Variants in NEK2 observed in about 807,000 individuals in gnomAD.
The protein encoded by NEK2 is serine/threonine-protein kinase Nek2.
Under a neutral mutation model 54.1 loss-of-function variants are expected in NEK2, and 28 were observed. The ratio of observed to expected loss-of-function variants is 0.52; its 90% CI spans 0.38 to 0.71. The LOEUF (loss-of-function observed/expected upper bound fraction) is 0.71, where lower values mean the gene tolerates loss of function less well. NEK2 is among the 30% of genes least tolerant of loss of function. NEK2 has a pLI of 0.00. For missense variants in NEK2, 407 were observed against 531.5 expected (o/e 0.77, Z 2.30); for synonymous variants, 176 against 193.1 (o/e 0.91, Z 0.73).
downstream of NEK2, chr1:211,660,937 G>A (rs531125263): frequency 2.6e-5 from 19 of 744,030 alleles, 1 homozygote; most frequent in South Asian, 1.4e-4. Context: ...GGATGAATCC[G>A]TGATGTCATC....
intron 7 of NEK2, among the ~76,000 whole-genome samples, chr1:211,664,246 T>C (rs1655106612): frequency 6.6e-6 from 1 of 152,078 alleles, no homozygotes; most frequent in African/African-American, 2.4e-5. Context: ...ATGGAAAAAA[T>C]AAATAATAAT....
downstream of NEK2, chr1:211,660,345 T>C (rs1203044574): frequency 3.7e-6 from 2 of 539,572 alleles, no homozygotes; most frequent in Non-Finnish European, 7.2e-6. Context: ...GCTCCTCATA[T>C]AGTGCCTTCT....
At chr1:211,671,589 T>C (rs1334406788) in intron 3 of NEK2, among the ~76,000 whole-genome samples, 3 of 152,198 alleles carry the variant, frequency 2.0e-5, no homozygotes, top group African/African-American at 7.2e-5. Context: ...AACACCATTT[T>C]AAAAGAACTA....
At position 211,674,316 on chromosome 1, in the gene NEK2, A is replaced by G; in HGVS notation, c.294T>C (p.Ile98=). 1 of 1,611,500 alleles carries G rather than the reference A, an allele frequency of 6.2e-7. No individual in the cohort carries two copies. Residue 98 remains isoleucine (I), a synonymous_variant, in exon 2 of 8, where the codon ATT becomes ATC. Transcript: ENST00000366999. The part of the protein sequence containing the change: ...YCEGGDLASV[I]TKGTKERQYL... ...CTTACCTTTCCTTGGTTCCCTTTGT[A>G]ATTACACTAGCCAGATCCCCTCCTT...
At chr1:211,660,320 C>T (rs1259942793), downstream of NEK2, 24 of 480,930 alleles carry the variant, frequency 5.0e-5, 1 homozygote, top group Admixed American at 1.9e-4. Context: ...TGCAAGAACA[C>T]GGCCAGCAGA....
At chr1:211,667,975 G>C (rs1182444016) in intron 6 of NEK2, among the ~76,000 whole-genome samples, 2 of 152,044 alleles carry the variant, frequency 1.3e-5, no homozygotes, top group Admixed American at 6.6e-5. Flanking sequence ...GAACCCGGGA[G>C]GTAGAGGTTG....
At chr1:211,662,424 A>G (rs1655038925), downstream of NEK2, among the ~76,000 whole-genome samples, 1 of 152,172 alleles carries the variant, frequency 6.6e-6, no homozygotes, top group Non-Finnish European at 1.5e-5. This position sits in a 1 kb window ranked among gnomAD's most constrained non-coding sequence, Gnocchi z 4.2. Flanking sequence ...ATCCAAACCC[A>G]TGGACATTTT....
chr1:211,663,226 A>T lies in NEK2; in HGVS notation c.*200T>A, dbSNP rs188125241. 4 of 1,348,412 alleles carry T rather than the reference A, an allele frequency of 3.0e-6. No individual in the cohort carries two copies. In the African/African-American group the frequency reaches 5.8e-5, roughly 20 times the overall value. The allele number at this position is 1,348,412 out of a possible 1,614,324, so 83.5% of individuals were successfully genotyped here. ...TATTCTTTTTATAATATGTTCTTAA[A>T]AGAAGAAAGAAAAATTAAATGTGAA... On this transcript the variant is annotated 3_prime_UTR_variant, in exon 8 of 8. Coordinates refer to ENST00000366999, the MANE Select transcript of NEK2 (RefSeq NM_002497.4).
At position 211,674,523 on chromosome 1, in the gene NEK2, G is replaced by C; in HGVS notation, c.97-10C>G. ...CTTTCCAAACTAATATCTGAAATAA[G>C]AATTTCCAAGGTATGAATGAACTCA... On this transcript the variant is annotated splice_polypyrimidine_tract_variant and intron_variant, in intron 1 of 7. Coordinates refer to ENST00000366999, the MANE Select transcript of NEK2 (RefSeq NM_002497.4). 6.3e-7 allele frequency: 1 copy of C among 1,584,130 alleles called. No homozygotes were observed. The highest frequency in any genetic ancestry group is 8.6e-7 in the Non-Finnish European group (1 of 1,160,646).
downstream of NEK2, chr1:211,661,344 A>G (rs199974577): frequency 6.8e-5 from 29 of 424,790 alleles, no homozygotes; most frequent in East Asian, 8.2e-4. Flanking sequence ...TGGCCTATCT[A>G]CTCATCTAAT....
chr1:211,663,459 T>A lies in NEK2; in HGVS notation c.1305A>T (p.Gln435His). Residue 435 changes from glutamine (Q) to histidine (H), a missense_variant, in exon 8 of 8, where the codon CAA becomes CAT. Gln to His is a conservative substitution (Grantham distance 24). Coordinates refer to ENST00000366999, the MANE Select transcript of NEK2 (RefSeq NM_002497.4). Reference protein sequence around the residue: ...QALSDIEKNYQLKSRQILGMR With the variant: ...QALSDIEKNYHLKSRQILGMR ...TGCCCAGGATCTGTCTGCTTTTCAG[T>A]TGGTAATTTTTCTCAATATCTGACA... 6.2e-7 allele frequency: 1 copy of A among 1,613,704 alleles called. No individual in the cohort carries two copies. Among genetic ancestry groups the A allele is most frequent in the Non-Finnish European group, 8.5e-7 (1 of 1,179,744 alleles).
At chr1:211,659,302 A>G (rs1456912576), downstream of NEK2, among the ~76,000 whole-genome samples, 1 of 152,242 alleles carries the variant, frequency 6.6e-6, no homozygotes, top group Non-Finnish European at 1.5e-5. Flanking sequence ...GAGATAGTCC[A>G]TAAGAGCTGG....
chr1:211,674,215 A>C (rs2102447868), intron 2 of NEK2, 81 bp downstream of exon 2: 1 of 1,171,882 alleles, frequency 8.5e-7, no homozygotes, highest in South Asian at 1.5e-5. Context: ...ACTCTTCCAT[A>C]TTACTGATCC....
downstream of NEK2, chr1:211,660,478 G>C: frequency 1.5e-6 from 1 of 674,760 alleles, no homozygotes; most frequent in Non-Finnish European, 2.8e-6. Context: ...CTAGATGGCA[G>C]TGCCAACTTT....
chr1:211,673,289 G>A (rs1362993244), intron 3 of NEK2, among the ~76,000 whole-genome samples, 194 bp downstream of exon 3: 1 of 152,026 alleles, frequency 6.6e-6, no homozygotes, highest in Non-Finnish European at 1.5e-5. Flanking sequence ...TGCACCTGTA[G>A]TCCCAGCTAC....
chr1:211,671,153 G>C, intron 4 of NEK2, 49 bp downstream of exon 4: 1 of 1,452,012 alleles, frequency 6.9e-7, no homozygotes, highest in Non-Finnish European at 9.7e-7. Flanking sequence ...AGTGAAATGT[G>C]ACAAACAGTA....
At chr1:211,673,427 C>A in intron 3 of NEK2, 56 bp downstream of exon 3, 37 of 1,602,878 alleles carry the variant, frequency 2.3e-5, no homozygotes, top group Non-Finnish European at 3.1e-5. Flanking sequence ...AACAAACAAA[C>A]AAGAAAACAA....
At chr1:211,662,128 G>A (rs575829800), downstream of NEK2, among the ~76,000 whole-genome samples, 4 of 152,250 alleles carry the variant, frequency 2.6e-5, no homozygotes, top group African/African-American at 4.8e-5. The surrounding 1 kb of genome is among the most constrained non-coding windows in gnomAD (Gnocchi z 4.2). Flanking sequence ...TTATCAACTC[G>A]ATATCCATCC....
chr1:211,667,778 G>C (rs1655224878), intron 6 of NEK2, among the ~76,000 whole-genome samples: 1 of 152,222 alleles, frequency 6.6e-6, no homozygotes, highest in African/African-American at 2.4e-5. Context: ...GGTCACAGTG[G>C]CTCACGCCTG....
Sources: gnomAD v4.1 joint callset for allele counts (sites outside exome capture counted in the v4.1 genomes callset) on GRCh38, gnomAD v4.1.1 for gene constraint, Gnocchi (gnomAD v3.1) non-coding constraint, MANE v1.5 for transcripts, NCBI Gene and HGNC (gene_info 2026-07-23, HGNC 2026-07-21) for gene names.